Variants in SPAG16 observed in about 807,000 individuals in gnomAD.
SPAG16 encodes the protein sperm-associated antigen 16 protein.
In SPAG16, 86 loss-of-function variants were observed where a neutral mutation model predicts 80.4. The observed-to-expected ratio is 1.07, with a 90% CI of 0.90 to 1.28. SPAG16 has a LOEUF of 1.28. Ranked by LOEUF, SPAG16 falls within the 50% of genes most tolerant of loss-of-function variation. The pLI, the probability that SPAG16 is intolerant of heterozygous loss-of-function variation, is 0.00. For missense variants in SPAG16, 870 were observed against 765.3 expected, an observed-to-expected ratio of 1.14 and a Z score of -1.61; for synonymous variants, 294 against 265.9, an observed-to-expected ratio of 1.11 and a Z score of -1.03.
At chr2:213,642,539 T>G (rs552956846) in intron 10 of SPAG16, among the ~76,000 whole-genome samples, 14 of 152,068 alleles carry the variant, frequency 9.2e-5, no homozygotes, top group African/African-American at 1.9e-4. Flanking sequence ...AGACCCACTC[T>G]TAATCTGAGT....
chr2:213,889,878 T>C (rs2076722272), intron 11 of SPAG16, among the ~76,000 whole-genome samples: 1 of 151,900 alleles, frequency 6.6e-6, no homozygotes, highest in African/African-American at 2.4e-5. Flanking sequence ...AATATACTGC[T>C]ACAGCATTGT....
chr2:213,663,320 A>G (rs1034624117), intron 10 of SPAG16, among the ~76,000 whole-genome samples: 3 of 152,110 alleles, frequency 2.0e-5, no homozygotes, highest in African/African-American at 7.2e-5. Flanking sequence ...TTAGTTTACA[A>G]TACTAAATAA....
intron 10 of SPAG16, among the ~76,000 whole-genome samples, chr2:213,641,337 A>C (rs113129753): frequency 5.9e-5 from 9 of 152,354 alleles, no homozygotes; most frequent in African/African-American, 2.2e-4. Context: ...CCTCCGGCAC[A>C]CAGGGCTACA....
At position 213,532,462 on chromosome 2, in the gene SPAG16, A is replaced by ATTT. The variant is rs374457236; in HGVS notation, c.1070+42387_1070+42389dup. On this transcript the variant is annotated intron_variant, in intron 10 of 15. Transcript: ENST00000331683. ...TTTCTCTTCATATGAGTTTAATTGA[A>ATTT]TTTTTTTTTTTTTTTTTGAGATGGA... Among the ~76,000 whole-genome samples, 262 of 139,990 alleles carry ATTT rather than the reference A, an allele frequency of 1.9e-3. 4 individuals are homozygous for ATTT. Among genetic ancestry groups the ATTT allele is most frequent in the African/African-American group, 6.4e-3 (239 of 37,342 alleles). 91.8% of individuals were successfully genotyped at this position (139,990 alleles called of 152,430 possible).
rs1354713558 is a variant in SPAG16 at position 214,305,265 on chromosome 2, G to GTTAT, written c.1721-104873_1721-104870dup. ...AAATTTAAGTTTCTTGTAGACTCTT[G>GTTAT]TTATTAGACCTTTGTCAGATGCAGT... is the stretch of plus-strand genomic sequence containing the variant. On this transcript the variant is annotated intron_variant, in intron 15 of 15. Transcript: ENST00000331683. 3.9e-5 allele frequency among the ~76,000 whole-genome samples: 6 copies of GTTAT among 152,202 alleles called. No homozygotes were observed. The East Asian group carries it at 1.2e-3, about 29-fold the overall frequency.
At chr2:213,924,390 G>A (rs1238087722) in intron 11 of SPAG16, among the ~76,000 whole-genome samples, 2 of 152,266 alleles carry the variant, frequency 1.3e-5, no homozygotes, top group East Asian at 3.9e-4. Context: ...TCCCATTTTT[G>A]TAGAGGTTCT....
At chr2:214,189,619 C>A (rs2057591412) in intron 15 of SPAG16, among the ~76,000 whole-genome samples, 1 of 151,920 alleles carries the variant, frequency 6.6e-6, no homozygotes, top group South Asian at 2.1e-4. Context: ...ACCAAAGCAG[C>A]AAATGCTAAA....
At chr2:213,828,548 G>A (rs1333808613) in intron 10 of SPAG16, among the ~76,000 whole-genome samples, 1 of 152,104 alleles carries the variant, frequency 6.6e-6, no homozygotes, top group Non-Finnish European at 1.5e-5. Context: ...CTTTGGTGAG[G>A]TTATGTTTTT....
chr2:213,917,698 T>A (rs546322040), intron 11 of SPAG16, among the ~76,000 whole-genome samples: 1 of 152,320 alleles, frequency 6.6e-6, no homozygotes, highest in African/African-American at 2.4e-5. Flanking sequence ...GTTTTCAAGA[T>A]ATAGAAATAC....
intron 10 of SPAG16, among the ~76,000 whole-genome samples, chr2:213,662,457 T>C (rs2125188051): frequency 6.6e-6 from 1 of 152,252 alleles, no homozygotes; most frequent in East Asian, 1.9e-4. Flanking sequence ...CGCCATGTAG[T>C]TGCAAATATA....
chr2:213,387,878 A>G (rs2067532228), intron 9 of SPAG16, among the ~76,000 whole-genome samples: 1 of 152,160 alleles, frequency 6.6e-6, no homozygotes, highest in Admixed American at 6.5e-5. Context: ...ATGGTGTTTT[A>G]AAATATTATA....
At chr2:214,234,019 G>C (rs945520018) in intron 15 of SPAG16, among the ~76,000 whole-genome samples, 2 of 151,878 alleles carry the variant, frequency 1.3e-5, no homozygotes, top group Non-Finnish European at 2.9e-5. Context: ...TATTCTTCCT[G>C]ATGCTCTCCC....
At chr2:213,496,114 A>G (rs1166137260) in intron 10 of SPAG16, among the ~76,000 whole-genome samples, 1 of 152,232 alleles carries the variant, frequency 6.6e-6, no homozygotes, top group Non-Finnish European at 1.5e-5. Context: ...ATAGGGGTCA[A>G]GAATAGAAGC....
intron 11 of SPAG16, among the ~76,000 whole-genome samples, chr2:213,927,158 G>T (rs564683830): frequency 1.3e-5 from 2 of 152,154 alleles, no homozygotes; most frequent in Non-Finnish European, 2.9e-5. Context: ...GGCACTAATC[G>T]TATTACAGGG....
intron 15 of SPAG16, among the ~76,000 whole-genome samples, chr2:214,258,618 T>A (rs527689450): frequency 6.6e-6 from 1 of 151,930 alleles, no homozygotes; most frequent in South Asian, 2.1e-4. Flanking sequence ...GGGGCAAGTG[T>A]CTTTTTCATA....
At chr2:214,122,672 T>A (rs568542040) in intron 14 of SPAG16, among the ~76,000 whole-genome samples, 1 of 151,984 alleles carries the variant, frequency 6.6e-6, no homozygotes, top group East Asian at 1.9e-4. Context: ...ATTATTTCAA[T>A]TTTGCTTACT....
intron 9 of SPAG16, among the ~76,000 whole-genome samples, chr2:213,390,542 T>C (rs2067687899): frequency 6.6e-6 from 1 of 152,164 alleles, no homozygotes; most frequent in Non-Finnish European, 1.5e-5. Context: ...AATTCAAATG[T>C]CAAAGGTTAA....
At chr2:213,516,793 AT>A (rs1465909542) in intron 10 of SPAG16, among the ~76,000 whole-genome samples, 1 of 152,216 alleles carries the variant, frequency 6.6e-6, no homozygotes, top group Non-Finnish European at 1.5e-5. Context: ...AAATGTGTAT[AT>A]TTGATGAGAA....
intron 9 of SPAG16, among the ~76,000 whole-genome samples, chr2:213,455,019 G>A (rs756045024): frequency 2.0e-5 from 3 of 152,048 alleles, no homozygotes; most frequent in Non-Finnish European, 2.9e-5. Flanking sequence ...ATAATCTAGA[G>A]TTCATTCTAA....
Sources: allele counts gnomAD v4.1 joint callset (sites outside exome capture counted in the v4.1 genomes callset), GRCh38; gene constraint gnomAD v4.1.1; transcripts MANE v1.5; gene names NCBI Gene and HGNC (gene_info 2026-07-23, HGNC 2026-07-21).